Variants in SDAD1 observed in about 807,000 individuals in gnomAD.
SDAD1 encodes protein SDA1 homolog.
Under a neutral mutation model 100.3 loss-of-function variants are expected in SDAD1, and 79 were observed. The ratio of observed to expected loss-of-function variants is 0.79; its 90% confidence interval spans 0.66 to 0.95. The LOEUF (loss-of-function observed/expected upper bound fraction) is 0.95, where lower values mean the gene tolerates loss of function less well. SDAD1 is among the 40% of genes least tolerant of loss of function. The pLI, the probability that SDAD1 is intolerant of heterozygous loss-of-function variation, is 0.00. For synonymous variants in SDAD1, 267 were observed against 271.4 expected (o/e 0.98, Z 0.16); for missense variants, 790 against 810.9 (o/e 0.97, Z 0.31).
In SDAD1 at chr4:75,971,387, T is replaced by C. The variant is rs1340735093; in HGVS notation, c.783A>G (p.Lys261=). 1 of 1,614,082 alleles carries C rather than the reference T, an allele frequency of 6.2e-7. No homozygotes were observed. Among genetic ancestry groups the C allele is most frequent in the Admixed American group, 1.7e-5 (1 of 60,026 alleles). Residue 261 remains lysine, a synonymous_variant, in exon 9 of 22, where the codon AAA becomes AAG. Transcript: ENST00000356260. ...ATGKKSSKNK[K]KLEKAMKVLK... is the part of the protein sequence containing the mutation. ...GCACTTTCATTGCCTTTTCCAACTT[T>C]TTCTTGTTTTTGGAACTTTTCTTCC... is the stretch of plus-strand genomic sequence containing the variant.
intron 14 of SDAD1, among the ~76,000 whole-genome samples, chr4:75,961,713 C>A (rs1729240696): frequency 1.3e-5 from 2 of 152,162 alleles, no homozygotes; most frequent in South Asian, 2.1e-4. Context: ...ATCCTTAAAC[C>A]AGTGATTATA....
In SDAD1 at chr4:75,950,501, T is replaced by C; in HGVS notation, c.*249A>G. On this transcript the variant is annotated 3_prime_UTR_variant, in exon 22 of 22. Transcript: ENST00000356260. ...ATCTACAGTGACAATGAATAGGCAC[T>C]CAATACATACTTTTTTTTGCATGAA... The C allele has an allele frequency of 2.4e-6, 1 of 423,890 alleles. No homozygotes were observed. The highest frequency in any genetic ancestry group is 4.4e-6 in the Non-Finnish European group (1 of 228,050). The allele number at this position is 423,890 out of a possible 1,614,324, so 26.3% of individuals were successfully genotyped here.
At chr4:75,965,849 C>A in intron 12 of SDAD1, 27 bp from the exon 13 acceptor site, 2 of 1,605,606 alleles carry the variant, frequency 1.2e-6, no homozygotes, top group South Asian at 2.2e-5. Flanking sequence ...ACAGAAAGGT[C>A]ATGGTCAGTG....
At chr4:75,967,389 T>C in intron 11 of SDAD1, 55 bp from the exon 12 acceptor site, 1 of 1,503,334 alleles carries the variant, frequency 6.7e-7, no homozygotes, top group Non-Finnish European at 9.2e-7. Context: ...TGGAGTTCCA[T>C]TTCTTCTCAA....
chr4:75,979,002 A>AAAAAAAAAAAAAAAAAAAG (rs1730330397), intron 3 of SDAD1, among the ~76,000 whole-genome samples: 1 of 149,654 alleles, frequency 6.7e-6, no homozygotes, highest in Non-Finnish European at 1.5e-5. Flanking sequence ...AAAAAAAAAA[A>AAAAAAAAAAAAAAAAAAAG]AAAAAAAAAT....
Position 75,990,764 on chromosome 4 carries a change from G to T in SDAD1, c.78C>A (p.Ala26=). 1.2e-6 allele frequency: 2 copies of T among 1,614,122 alleles called. No homozygotes were observed. Among genetic ancestry groups the T allele is most frequent in the Non-Finnish European group, 1.7e-6 (2 of 1,180,000 alleles). The change falls in exon 1 of 22, where the codon GCC becomes GCA. Residue 26 remains alanine, a synonymous_variant. Coordinates refer to ENST00000356260, the MANE Select transcript of SDAD1 (RefSeq NM_018115.4). ...LQNLIKRDPP[A]YIEEFLQQYN... is the part of the protein sequence containing the mutation. ...GCCGCACTCCCACCTCCTCGATGTA[G>T]GCCGGCGGGTCTCGCTTGATTAGAT...
chr4:75,961,041 T>C lies in SDAD1; in HGVS notation c.1343A>G (p.Gln448Arg), dbSNP rs1223377248. Reference protein sequence around the residue: ...LFRTLNPQMLQKKFRGKPTEA... With the variant: ...LFRTLNPQMLRKKFRGKPTEA... Reference sequence around the variant, plus strand: ...TGCTTTACCTACCCGGAATTTCTTCTGCAGCATCTGAGGATTCAGTGTTCG... The same window carrying C: ...TGCTTTACCTACCCGGAATTTCTTCCGCAGCATCTGAGGATTCAGTGTTCG... The change falls in exon 16 of 22, where the codon CAG (glutamine) becomes CGG (arginine). Residue 448 changes from glutamine to arginine, a missense_variant. Gln to Arg is a conservative substitution (Grantham distance 43, BLOSUM62 1). Coordinates refer to ENST00000356260, the MANE Select transcript of SDAD1 (RefSeq NM_018115.4). 1 of 1,613,892 alleles carries C rather than the reference T, an allele frequency of 6.2e-7. No homozygotes were observed. Among genetic ancestry groups the C allele is most frequent in the Non-Finnish European group, 8.5e-7 (1 of 1,179,974 alleles).
At chr4:75,952,079 G>A (rs1357736378) in intron 21 of SDAD1, among the ~76,000 whole-genome samples, 1 of 152,160 alleles carries the variant, frequency 6.6e-6, no homozygotes, top group African/African-American at 2.4e-5. Context: ...AAGCAGAAGA[G>A]CTGGGATACT....
chr4:75,957,937 T>A lies in SDAD1; in HGVS notation c.1488A>T (p.Gly496=), dbSNP rs756405022. The change falls in exon 18 of 22, where the codon GGA becomes GGT. Residue 496 remains glycine (G), a synonymous_variant. Transcript: ENST00000356260. ...KEENAENDED[G]WESTSLSEEE... Reference sequence around the variant, plus strand: ...CCTCACTGAGACTGGTACTTTCCCATCCATCTGCGTGAAAAAAGCAAACCC... The same window carrying A: ...CCTCACTGAGACTGGTACTTTCCCAACCATCTGCGTGAAAAAAGCAAACCC... The A allele has an allele frequency of 1.9e-6, 3 of 1,612,422 alleles. No individual in the cohort carries two copies. Among genetic ancestry groups the A allele is most frequent in the Non-Finnish European group, 2.5e-6 (3 of 1,179,956 alleles).
chr4:75,974,735 G>A (rs1295752883), intron 6 of SDAD1, among the ~76,000 whole-genome samples: 1 of 141,126 alleles, frequency 7.1e-6, no homozygotes, highest in African/African-American at 2.6e-5. Flanking sequence ...AAAAATAATC[G>A]AGAATTTAAA....
At chr4:75,984,139 T>C (rs1255760859) in intron 1 of SDAD1, among the ~76,000 whole-genome samples, 1 of 151,038 alleles carries the variant, frequency 6.6e-6, no homozygotes, top group Non-Finnish European at 1.5e-5. Context: ...TCTATTCTAT[T>C]GGTCTATGTA....
rs1321660622 is a variant in SDAD1 at position 75,950,679 on chromosome 4, T to G, written c.*71A>C. 1 of 1,134,166 alleles carries G rather than the reference T, an allele frequency of 8.8e-7. No homozygotes were observed. Among genetic ancestry groups the G allele is most frequent in the Non-Finnish European group, 1.3e-6 (1 of 769,000 alleles). The allele number at this position is 1,134,166 out of a possible 1,614,324, so 70.3% of individuals were successfully genotyped here. A position where few individuals can be genotyped will look rare whatever the true frequency, so the allele number is the denominator to read the frequency against. ...GACTTTTTAATGTAAACAAACATGC[T>G]TGATTTACCAATTTTCAGAGCAAGG... On this transcript the variant is annotated 3_prime_UTR_variant, in exon 22 of 22. Transcript: ENST00000356260.
chr4:75,973,493 AG>A (rs1729983665), intron 7 of SDAD1, 102 bp from the exon 8 acceptor site: 1 of 789,794 alleles, frequency 1.3e-6, no homozygotes, highest in Non-Finnish European at 2.1e-6. Flanking sequence ...TAAGATCTGA[AG>A]AACAAATTCA....
intron 1 of SDAD1, among the ~76,000 whole-genome samples, chr4:75,988,139 T>C (rs1213219686): frequency 1.3e-5 from 2 of 152,194 alleles, no homozygotes; most frequent in East Asian, 1.9e-4. Flanking sequence ...TAGCTTCTTA[T>C]GTGGTGTCTC....
At chr4:75,987,664 G>T (rs971931412) in intron 1 of SDAD1, among the ~76,000 whole-genome samples, 5 of 152,052 alleles carry the variant, frequency 3.3e-5, no homozygotes, top group African/African-American at 1.2e-4. Context: ...ACCACACCTG[G>T]CTAATTTTTG....
intron 1 of SDAD1, among the ~76,000 whole-genome samples, chr4:75,988,257 T>C (rs1285564539): frequency 1.3e-5 from 2 of 152,176 alleles, no homozygotes; most frequent in Non-Finnish European, 2.9e-5. Context: ...TGTAAAGGCT[T>C]CCATCTCATT....
intron 17 of SDAD1, 73 bp downstream of exon 17, chr4:75,959,993 G>A: frequency 6.9e-7 from 1 of 1,444,564 alleles, no homozygotes; most frequent in Non-Finnish European, 9.3e-7. Flanking sequence ...TGTTCAAATA[G>A]TATACAATTT....
intron 17 of SDAD1, among the ~76,000 whole-genome samples, 180 bp from the exon 18 acceptor site, chr4:75,958,121 T>C (rs1175619790): frequency 2.0e-5 from 3 of 152,186 alleles, no homozygotes; most frequent in Non-Finnish European, 4.4e-5. Context: ...GAATAGGAAA[T>C]AGGCACTGAT....
intron 14 of SDAD1, among the ~76,000 whole-genome samples, chr4:75,962,266 T>C (rs1270623196): frequency 5.3e-5 from 8 of 152,240 alleles, no homozygotes; most frequent in Non-Finnish European, 1.5e-5. Flanking sequence ...CCATAGCGTA[T>C]ATGTGCCACA....
Sources: gnomAD v4.1 joint callset for allele counts (sites outside exome capture counted in the v4.1 genomes callset) on GRCh38, gnomAD v4.1.1 for gene constraint, MANE v1.5 for transcripts, NCBI Gene and HGNC (gene_info 2026-07-23, HGNC 2026-07-21) for gene names.